The following STK4 variants were observed in gnomAD, a reference collection of about 807,000 sequenced individuals.
STK4 encodes serine/threonine kinase 4.
In STK4, 30 loss-of-function variants were observed where a neutral mutation model predicts 64.9. The ratio of observed to expected loss-of-function variants is 0.46; its 90% CI spans 0.35 to 0.63. STK4 has a LOEUF of 0.63. Ranked by LOEUF, STK4 falls within the 20% of genes least tolerant of loss-of-function variation. The pLI is 0.01. For missense variants in STK4, 466 were observed against 598.5 expected (o/e 0.78, Z 2.31); for synonymous variants, 177 against 199.0 (o/e 0.89, Z 0.93).
intron 10 of STK4, among the ~76,000 whole-genome samples, chr20:45,074,240 T>G (rs1568776218): frequency 6.6e-6 from 1 of 152,112 alleles, no homozygotes; most frequent in Non-Finnish European, 1.5e-5. Flanking sequence ...GCTCTGAGGA[T>G]TAAAGGAATC....
intron 9 of STK4, among the ~76,000 whole-genome samples, chr20:45,002,253 G>A (rs758322734): frequency 2.6e-5 from 4 of 152,200 alleles, no homozygotes; most frequent in Non-Finnish European, 5.9e-5. Flanking sequence ...AGTATGTGTT[G>A]TACATGCACG....
rs1254753864 is a variant in STK4, at chr20:44,990,763, GC to G, written c.525+3470del. Among the ~76,000 whole-genome samples the G allele has an allele frequency of 5.9e-5, 9 of 152,242 alleles. 1 individual carries two copies. The highest frequency in any genetic ancestry group is 3.4e-3 in the Middle Eastern group (1 of 294). On this transcript the variant is annotated intron_variant, in intron 5 of 10. Coordinates refer to ENST00000372806, the MANE Select transcript of STK4 (RefSeq NM_006282.5). ...CTAATGCCAGGGTGGGGCGAGGGAAGCCCACTAGTTGCTTGATGGGAGAGGA... is the reference window on the plus strand; with the variant it reads ...CTAATGCCAGGGTGGGGCGAGGGAAGCCACTAGTTGCTTGATGGGAGAGGA...
intron 2 of STK4, among the ~76,000 whole-genome samples, chr20:44,976,932 T>G (rs1488253942): frequency 6.6e-6 from 1 of 152,200 alleles, no homozygotes; most frequent in African/African-American, 2.4e-5. Context: ...CTTGTGTGCT[T>G]GTCTCCTACC....
chr20:44,982,260 G>A (rs577532400), intron 4 of STK4, among the ~76,000 whole-genome samples: 3 of 151,830 alleles, frequency 2.0e-5, no homozygotes, highest in African/African-American at 7.2e-5. Flanking sequence ...GGGACTACAG[G>A]CGTGTACCAC....
At chr20:45,028,982 A>G (rs983657443) in intron 10 of STK4, among the ~76,000 whole-genome samples, 1 of 152,182 alleles carries the variant, frequency 6.6e-6, no homozygotes, top group Non-Finnish European at 1.5e-5. Context: ...CATGACTTGT[A>G]TTCCTCCTGA....
intron 10 of STK4, among the ~76,000 whole-genome samples, chr20:45,036,731 T>G (rs1243568045): frequency 1.3e-5 from 2 of 152,170 alleles, no homozygotes; most frequent in African/African-American, 2.4e-5. Flanking sequence ...TATTTTATTA[T>G]TAGTTATTGA....
intron 7 of STK4, among the ~76,000 whole-genome samples, chr20:45,000,120 AGAT>A (rs1349707250): frequency 6.6e-6 from 1 of 152,198 alleles, no homozygotes; most frequent in Non-Finnish European, 1.5e-5. Flanking sequence ...TTCCTCCAGG[AGAT>A]GATACTCCCT....
intron 9 of STK4, among the ~76,000 whole-genome samples, chr20:45,009,028 T>C (rs2067999320): frequency 6.6e-6 from 1 of 152,212 alleles, no homozygotes; most frequent in South Asian, 2.1e-4. Context: ...GTGCAGAAGC[T>C]CTTTAGTTTA....
chr20:44,978,378 T>C (rs988148899), intron 2 of STK4, 65 bp from the exon 3 acceptor site: 4 of 1,550,736 alleles, frequency 2.6e-6, no homozygotes, highest in Non-Finnish European at 1.7e-6. Flanking sequence ...TGCTTGTGTT[T>C]TACCACTTCT....
chr20:45,077,163 T>A lies in STK4; in HGVS notation c.*1987T>A, dbSNP rs752651960. On this transcript the variant is annotated 3_prime_UTR_variant, in exon 11 of 11. Coordinates refer to ENST00000372806, the MANE Select transcript of STK4 (RefSeq NM_006282.5). The stretch of plus-strand genomic sequence containing the variant: ...AATGATAGAATCAGGATTCATAGCA[T>A]CACTATAGGGGGTCAATATTTACAC... The A allele has an allele frequency of 8.5e-5, 13 of 152,310 alleles. No homozygotes were observed. The highest frequency in any genetic ancestry group is 1.5e-4 in the Non-Finnish European group (10 of 68,028). The allele number at this position is 152,310 out of a possible 1,614,324, so 9.4% of individuals were successfully genotyped here. A position where few individuals can be genotyped will look rare whatever the true frequency, so the allele number is the denominator to read the frequency against.
At chr20:45,052,384 AT>A (rs547409699) in intron 10 of STK4, among the ~76,000 whole-genome samples, 8 of 152,018 alleles carry the variant, frequency 5.3e-5, no homozygotes, top group South Asian at 4.2e-4. Flanking sequence ...ATAAATCTTG[AT>A]TTTTTTTCAC....
At chr20:45,019,384 T>G (rs1388819348) in intron 9 of STK4, among the ~76,000 whole-genome samples, 1 of 152,268 alleles carries the variant, frequency 6.6e-6, no homozygotes, top group Non-Finnish European at 1.5e-5. Flanking sequence ...TATTTCTTTT[T>G]GTTGCTGAAT....
chr20:44,984,785 T>G (rs531828907), intron 4 of STK4, among the ~76,000 whole-genome samples: 1 of 148,000 alleles, frequency 6.8e-6, no homozygotes, highest in East Asian at 2.1e-4. Context: ...ATTAATTCTT[T>G]CTTTTTTTTT....
intron 10 of STK4, among the ~76,000 whole-genome samples, chr20:45,037,557 C>A (rs2068546899): frequency 6.6e-6 from 1 of 152,022 alleles, no homozygotes; most frequent in African/African-American, 2.4e-5. Flanking sequence ...GTAACAGAAC[C>A]TGAACAAAAT....
intron 9 of STK4, among the ~76,000 whole-genome samples, chr20:45,009,632 C>T (rs776516797): frequency 1.2e-4 from 18 of 152,152 alleles, no homozygotes; most frequent in Non-Finnish European, 1.9e-4. Context: ...AGAGTATATA[C>T]ATTTTAATTA....
Position 44,989,061 on chromosome 20 carries a change from T to C in STK4, c.525+1765T>C, listed in dbSNP as rs542186837. 1.1e-4 allele frequency among the ~76,000 whole-genome samples: 17 copies of C among 152,344 alleles called. No homozygotes were observed. In the East Asian group the frequency reaches 3.3e-3, roughly 29 times the overall value. ...GAATATTTAGATTGTTTCTGCTTTTTGGCTGTTAGGAATAATGCTACTGTG... is the reference window on the plus strand; with the variant it reads ...GAATATTTAGATTGTTTCTGCTTTTCGGCTGTTAGGAATAATGCTACTGTG... On this transcript the variant is annotated intron_variant, in intron 5 of 10. Coordinates refer to ENST00000372806, the MANE Select transcript of STK4 (RefSeq NM_006282.5).
Position 44,966,565 on chromosome 20 carries a change from C to T in STK4, c.-4C>T. 6.3e-6 allele frequency: 8 copies of T among 1,265,498 alleles called. No homozygotes were observed. Among genetic ancestry groups the T allele is most frequent in the Non-Finnish European group, 7.0e-6 (7 of 996,012 alleles). 78.4% of individuals were successfully genotyped at this position (1,265,498 alleles called of 1,614,324 possible). A position where few individuals can be genotyped will look rare whatever the true frequency, so the allele number is the denominator to read the frequency against. On this transcript the variant is annotated 5_prime_UTR_variant, in exon 1 of 11. Coordinates refer to ENST00000372806, the MANE Select transcript of STK4 (RefSeq NM_006282.5). ...AGCGGGTCTGGGCGGCTGCTGGCAG[C>T]GCCATGGAGACGGTACAGCTGAGGA...
chr20:45,035,864 A>G (rs2068519546), intron 10 of STK4, among the ~76,000 whole-genome samples: 1 of 152,232 alleles, frequency 6.6e-6, no homozygotes, highest in Non-Finnish European at 1.5e-5. Context: ...ATTTTGATAC[A>G]TTATACTAAT....
chr20:44,997,559 G>A (rs1601231574), intron 7 of STK4, among the ~76,000 whole-genome samples: 2 of 152,118 alleles, frequency 1.3e-5, no homozygotes, highest in Non-Finnish European at 2.9e-5. Flanking sequence ...GTGTGGTGGC[G>A]CATGCCTGTA....
Sources: allele counts gnomAD v4.1 joint callset (sites outside exome capture counted in the v4.1 genomes callset), GRCh38; gene constraint gnomAD v4.1.1; transcripts MANE v1.5; gene names NCBI Gene and HGNC (gene_info 2026-07-23, HGNC 2026-07-21).